Variants in TSNARE1 observed in about 807,000 individuals in gnomAD.
The protein encoded by TSNARE1 is t-SNARE domain containing 1, also known as t-SNARE domain-containing protein 1.
In TSNARE1, 49 loss-of-function variants were observed where a neutral mutation model predicts 62.0. That is an observed-to-expected ratio of 0.79 (90% CI 0.63 to 1.00). The LOEUF (loss-of-function observed/expected upper bound fraction) is 1.00, where lower values mean the gene tolerates loss of function less well. TSNARE1 is among the 50% of genes least tolerant of loss of function. The pLI is 0.00. For missense variants in TSNARE1, 755 were observed against 700.1 expected, an observed-to-expected ratio of 1.08 and a Z score of -0.88; for synonymous variants, 328 against 294.4, an observed-to-expected ratio of 1.11 and a Z score of -1.17.
At chr8:142,237,552 T>C (rs949067269) in intron 12 of TSNARE1, among the ~76,000 whole-genome samples, 2 of 152,214 alleles carry the variant, frequency 1.3e-5, no homozygotes, top group Non-Finnish European at 2.9e-5. Context: ...GAGCCTCCGT[T>C]TCCTTATCAA....
intron 13 of TSNARE1, among the ~76,000 whole-genome samples, chr8:142,225,402 C>T (rs1295763044): frequency 6.6e-6 from 1 of 152,078 alleles, no homozygotes; most frequent in African/African-American, 2.4e-5. Flanking sequence ...TCAGCCACCT[C>T]CCCTGCCTCT....
At chr8:142,403,193 C>T (rs1262272199), upstream of TSNARE1, 2 of 150,092 alleles carry the variant, frequency 1.3e-5, no homozygotes, top group African/African-American at 2.4e-5. Context: ...GACGGCCCCT[C>T]CCGCCGCCGG....
At chr8:142,347,918 C>G (rs1334144693) in intron 2 of TSNARE1, among the ~76,000 whole-genome samples, 2 of 152,234 alleles carry the variant, frequency 1.3e-5, no homozygotes. Context: ...ATCCACTCAC[C>G]CAAGTCCAGG....
At chr8:142,285,628 G>A (rs775397479) in intron 10 of TSNARE1, among the ~76,000 whole-genome samples, 23 of 152,196 alleles carry the variant, frequency 1.5e-4, no homozygotes, top group Non-Finnish European at 3.1e-4. Context: ...GGGTGGGTGG[G>A]TTGGTCAATG....
intron 12 of TSNARE1, among the ~76,000 whole-genome samples, chr8:142,262,702 A>T (rs959683965): frequency 5.3e-5 from 8 of 152,250 alleles, no homozygotes; most frequent in Admixed American, 3.3e-4. Context: ...CTCCTGCTCC[A>T]GGCATGTAAG....
chr8:142,369,834 G>A (rs753031491), intron 1 of TSNARE1, among the ~76,000 whole-genome samples: 3 of 152,158 alleles, frequency 2.0e-5, no homozygotes, highest in South Asian at 2.1e-4. Flanking sequence ...GTTATCAAAC[G>A]TCCCAGCAAA....
upstream of TSNARE1, chr8:142,403,778 G>T (rs1838479939): frequency 1.3e-5 from 2 of 152,234 alleles, no homozygotes; most frequent in Non-Finnish European, 2.9e-5. Flanking sequence ...TGGAGGAGCT[G>T]AAGTGCAGAG....
At chr8:142,246,304 T>G (rs992392645) in intron 12 of TSNARE1, among the ~76,000 whole-genome samples, 8 of 152,084 alleles carry the variant, frequency 5.3e-5, no homozygotes, top group Non-Finnish European at 1.2e-4. Flanking sequence ...GGCTCCACAC[T>G]GTGCTGGTGG....
chr8:142,379,179 C>T (rs556320792), intron 1 of TSNARE1, among the ~76,000 whole-genome samples: 4 of 152,346 alleles, frequency 2.6e-5, no homozygotes, highest in East Asian at 1.9e-4. Context: ...GCCTCAAATG[C>T]GTCAGTCTCC....
chr8:142,295,134 C>T (rs1323338799), intron 10 of TSNARE1, among the ~76,000 whole-genome samples: 1 of 152,180 alleles, frequency 6.6e-6, no homozygotes, highest in African/African-American at 2.4e-5. Flanking sequence ...TGTTCCGGGA[C>T]CCCTCGAGCC....
At chr8:142,330,856 G>A (rs1563927577) in intron 6 of TSNARE1, 45 bp downstream of exon 6, 3 of 1,601,560 alleles carry the variant, frequency 1.9e-6, no homozygotes, top group Non-Finnish European at 2.6e-6. Context: ...GCCCCCCAAT[G>A]TGCACCACGC....
chr8:142,213,023 C>G (rs1379881424), intron 13 of TSNARE1, among the ~76,000 whole-genome samples: 3 of 56,588 alleles, frequency 5.3e-5, no homozygotes, highest in African/African-American at 2.5e-4. Context: ...CCTCCTCCCT[C>G]TCTCTAATCC....
At chr8:142,306,960 G>C (rs1826797004) in intron 9 of TSNARE1, among the ~76,000 whole-genome samples, 1 of 152,194 alleles carries the variant, frequency 6.6e-6, no homozygotes, top group Admixed American at 6.5e-5. Flanking sequence ...TCCAGCACCT[G>C]TCATCCCAGG....
chr8:142,253,521 A>G (rs897764378), intron 12 of TSNARE1, among the ~76,000 whole-genome samples: 2 of 82,478 alleles, frequency 2.4e-5, no homozygotes, highest in African/African-American at 6.6e-5. Flanking sequence ...GCATAGACCC[A>G]CTGCAGTAGG....
chr8:142,382,911 C>G (rs992617153), intron 1 of TSNARE1, among the ~76,000 whole-genome samples: 1 of 152,112 alleles, frequency 6.6e-6, no homozygotes, highest in African/African-American at 2.4e-5. Context: ...AGGCAGCAGG[C>G]GGTGAGGGCC....
chr8:142,223,024 C>CCACTCCTT (rs1816503435), intron 13 of TSNARE1, among the ~76,000 whole-genome samples: 1 of 81,786 alleles, frequency 1.2e-5, no homozygotes, highest in African/African-American at 3.9e-5. Context: ...ACTCACTCAG[C>CCACTCCTT]CACTCACTCA....
intron 12 of TSNARE1, among the ~76,000 whole-genome samples, chr8:142,237,457 G>C (rs1817488691): frequency 6.6e-6 from 1 of 152,184 alleles, no homozygotes; most frequent in Non-Finnish European, 1.5e-5. Flanking sequence ...TCCACCCAAA[G>C]GGCCTGGCAC....
chr8:142,255,803 C>G (rs1818453444), intron 12 of TSNARE1, among the ~76,000 whole-genome samples: 1 of 121,956 alleles, frequency 8.2e-6, no homozygotes, highest in African/African-American at 3.1e-5. Context: ...ACCATCACCA[C>G]CACCACCACT....
chr8:142,236,276 CG>C (rs978750416), intron 12 of TSNARE1, among the ~76,000 whole-genome samples: 1 of 151,844 alleles, frequency 6.6e-6, no homozygotes, highest in African/African-American at 2.4e-5. Flanking sequence ...ATACATGCCA[CG>C]GGTTCAGGGC....
Sources: gnomAD v4.1 joint callset for allele counts (sites outside exome capture counted in the v4.1 genomes callset) on GRCh38, gnomAD v4.1.1 for gene constraint, MANE v1.5 for transcripts, NCBI Gene and HGNC (gene_info 2026-07-23, HGNC 2026-07-21) for gene names.